SIPA1L2: variants seen among roughly 807,000 people sequenced by gnomAD.
SIPA1L2 encodes the protein signal induced proliferation associated 1 like 2.
SIPA1L2 carries 56 observed loss-of-function variants against 163.9 expected under a neutral mutation model. The ratio of observed to expected loss-of-function variants is 0.34; its 90% CI spans 0.28 to 0.43. The LOEUF (loss-of-function observed/expected upper bound fraction) is 0.43, where lower values mean the gene tolerates loss of function less well. Among genes scored for constraint, SIPA1L2 ranks in the 20% least tolerant of loss-of-function variants. SIPA1L2 has a pLI of 1.00. For missense variants in SIPA1L2, 1,974 were observed against 2,193.5 expected (o/e 0.90, Z 2.00); for synonymous variants, 877 against 865.7 (o/e 1.01, Z -0.23).
At chr1:232,406,347 G>A (rs1660633036) in intron 19 of SIPA1L2, among the ~76,000 whole-genome samples, 1 of 152,208 alleles carries the variant, frequency 6.6e-6, no homozygotes, top group Non-Finnish European at 1.5e-5. Context: ...TCCTGTGTGA[G>A]CAGATCTGGC....
intron 1 of SIPA1L2, among the ~76,000 whole-genome samples, chr1:232,578,589 A>C (rs1425937253): frequency 6.6e-6 from 1 of 152,202 alleles, no homozygotes; most frequent in Non-Finnish European, 1.5e-5. Context: ...TTTACAAAAT[A>C]AGTCTTTTAA....
At chr1:232,443,271 G>A (rs1056185150) in intron 12 of SIPA1L2, among the ~76,000 whole-genome samples, 10 of 152,206 alleles carry the variant, frequency 6.6e-5, no homozygotes, top group Non-Finnish European at 1.3e-4. Context: ...AAAGCCAAAC[G>A]CTAAACCCAC....
chr1:232,597,395 T>A (rs1260007006), intron 1 of SIPA1L2, among the ~76,000 whole-genome samples: 1 of 151,586 alleles, frequency 6.6e-6, no homozygotes, highest in Non-Finnish European at 1.5e-5. Flanking sequence ...TAACAAGATT[T>A]GGCCGGGCGC....
chr1:232,461,217 T>C, intron 9 of SIPA1L2, 56 bp from the exon 10 acceptor site: 1 of 1,583,236 alleles, frequency 6.3e-7, no homozygotes, highest in Non-Finnish European at 8.6e-7. Flanking sequence ...GCCATGGGGC[T>C]CTGCCAAAGG....
chr1:232,479,809 C>CA, intron 6 of SIPA1L2, 79 bp from the exon 7 acceptor site: 1 of 1,302,442 alleles, frequency 7.7e-7, no homozygotes. Context: ...GTTACTGTTG[C>CA]AAAAACAAAA....
intron 2 of SIPA1L2, among the ~76,000 whole-genome samples, chr1:232,562,212 A>G (rs1019680428): frequency 3.9e-5 from 6 of 152,328 alleles, no homozygotes; most frequent in African/African-American, 1.4e-4. Context: ...AGATATGTCA[A>G]CTGCACATTT....
intron 15 of SIPA1L2, among the ~76,000 whole-genome samples, chr1:232,434,197 T>C (rs6682050): frequency 0.24 from 37,019 of 152,052 alleles, 4,757 homozygotes; most frequent in Non-Finnish European, 0.29. Context: ...TTCTGATACA[T>C]GTATAAAGCA....
rs74968636 is a variant in SIPA1L2, at chr1:232,592,997, A to G, written c.-318-18775T>C. Among the ~76,000 whole-genome samples, 983 of 152,222 alleles carry G rather than the reference A, an allele frequency of 6.5e-3. 5 individuals carry two copies. The highest frequency in any genetic ancestry group is 0.011 in the Non-Finnish European group (724 of 68,006). On this transcript the variant is annotated intron_variant, in intron 1 of 22. Transcript: ENST00000674635. Reference sequence around the variant, plus strand: ...TAATAGTGGTGCAGGTGCTGGACACATTCAGGTAGATCCACATTTTTATCT... The same window carrying G: ...TAATAGTGGTGCAGGTGCTGGACACGTTCAGGTAGATCCACATTTTTATCT...
chr1:232,572,706 T>TATACACACATATATACATAC (rs1659814723), intron 2 of SIPA1L2, among the ~76,000 whole-genome samples: 2 of 77,474 alleles, frequency 2.6e-5, no homozygotes, highest in African/African-American at 8.0e-5. Flanking sequence ...TATATATATA[T>TATACACACATATATACATAC]ATATATATAT....
intron 14 of SIPA1L2, 24 bp from the exon 15 acceptor site, chr1:232,439,520 A>T: frequency 6.3e-7 from 1 of 1,592,516 alleles, no homozygotes; most frequent in Non-Finnish European, 8.6e-7. Context: ...AGGAACAGAG[A>T]GTTCTCAAGT....
intron 11 of SIPA1L2, 62 bp from the exon 12 acceptor site, chr1:232,443,747 G>T: frequency 1.5e-6 from 2 of 1,328,880 alleles, no homozygotes; most frequent in Non-Finnish European, 2.1e-6. Context: ...CCTTGACCTG[G>T]CCTGTTTTGT....
chr1:232,427,656 C>G (rs912607459), intron 17 of SIPA1L2, among the ~76,000 whole-genome samples: 1 of 152,164 alleles, frequency 6.6e-6, no homozygotes, highest in Non-Finnish European at 1.5e-5. Context: ...AATTGTTTAG[C>G]AAAGTGGCTT....
chr1:232,619,708 T>G (rs1372048772), intron 1 of SIPA1L2, among the ~76,000 whole-genome samples: 2 of 152,162 alleles, frequency 1.3e-5, no homozygotes, highest in Non-Finnish European at 2.9e-5. Context: ...TTGGAAATCT[T>G]AGAATGCCAG....
chr1:232,417,692 A>G (rs2357065), intron 18 of SIPA1L2, among the ~76,000 whole-genome samples: 94,147 of 151,888 alleles, frequency 0.62, 29,966 homozygotes, highest in East Asian at 0.8. Flanking sequence ...AGGTAAAGAA[A>G]CCCAGGAATC....
chr1:232,479,970 C>T (rs545994724), intron 6 of SIPA1L2, among the ~76,000 whole-genome samples: 3 of 152,148 alleles, frequency 2.0e-5, no homozygotes, highest in Non-Finnish European at 4.4e-5. Flanking sequence ...TTAGTTTCCT[C>T]GCTTTTCTTC....
chr1:232,581,528 C>T (rs1372154286), intron 1 of SIPA1L2, among the ~76,000 whole-genome samples: 1 of 152,078 alleles, frequency 6.6e-6, no homozygotes, highest in Non-Finnish European at 1.5e-5. Context: ...AGTATGCCAC[C>T]CCTAAACATC....
intron 2 of SIPA1L2, among the ~76,000 whole-genome samples, chr1:232,535,664 A>G (rs1354527383): frequency 1.3e-5 from 2 of 152,352 alleles, no homozygotes; most frequent in Non-Finnish European, 1.5e-5. Flanking sequence ...AATATATACC[A>G]TGAGCCTATG....
intron 18 of SIPA1L2, among the ~76,000 whole-genome samples, chr1:232,418,620 C>T (rs966564276): frequency 5.9e-5 from 9 of 152,212 alleles, no homozygotes; most frequent in Admixed American, 2.6e-4. Context: ...TAATGGCTCT[C>T]GGATCTGAGA....
Position 232,527,725 on chromosome 1 carries a change from CTTTTTTTTTT to C in SIPA1L2, c.-269-12127_-269-12118del, listed in dbSNP as rs57868657. ...ACCCCATTTAATTCTTCTTCTTCTTCTTTTTTTTTTTTTTTTTTTTTTTTGAGACAGGGTC... is the reference window on the plus strand; with the variant it reads ...ACCCCATTTAATTCTTCTTCTTCTTCTTTTTTTTTTTTTTGAGACAGGGTC... On this transcript the variant is annotated intron_variant, in intron 2 of 22. Coordinates refer to ENST00000674635, the MANE Select transcript of SIPA1L2 (RefSeq NM_020808.5). 7.4e-5 allele frequency among the ~76,000 whole-genome samples: 6 copies of C among 80,944 alleles called. No individual in the cohort carries two copies. In the East Asian group the frequency reaches 1.2e-3, roughly 16 times the overall value. 53.1% of individuals were successfully genotyped at this position (80,944 alleles called of 152,430 possible).
Sources: gnomAD v4.1 joint callset for allele counts (sites outside exome capture counted in the v4.1 genomes callset) on GRCh38, gnomAD v4.1.1 for gene constraint, MANE v1.5 for transcripts, NCBI Gene and HGNC (gene_info 2026-07-23, HGNC 2026-07-21) for gene names.